GPC5: variants seen among roughly 807,000 people sequenced by gnomAD.
The protein encoded by GPC5 is glypican-5.
GPC5 carries 47 observed loss-of-function variants against 53.9 expected under a neutral mutation model. The observed-to-expected ratio is 0.87, with a 90% CI of 0.69 to 1.11. The LOEUF (loss-of-function observed/expected upper bound fraction) is 1.11. GPC5 is among the 50% of genes most tolerant of loss of function. The pLI, the probability that GPC5 is intolerant of heterozygous loss-of-function variation, is 0.00. For missense variants in GPC5, 748 were observed against 713.1 expected (o/e 1.05, Z -0.56); for synonymous variants, 286 against 263.3 (o/e 1.09, Z -0.84).
At chr13:92,037,597 G>C (rs1395454153) in intron 6 of GPC5, among the ~76,000 whole-genome samples, 1 of 152,174 alleles carries the variant, frequency 6.6e-6, no homozygotes, top group East Asian at 1.9e-4. Flanking sequence ...ATGGGATTTA[G>C]ATTCTTTACT....
At chr13:92,103,915 C>A (rs1051853751) in intron 6 of GPC5, among the ~76,000 whole-genome samples, 4 of 152,108 alleles carry the variant, frequency 2.6e-5, no homozygotes. Flanking sequence ...CTTTTCAAAG[C>A]CCCACATGGA....
chr13:92,147,684 G>C (rs958990975), intron 7 of GPC5, among the ~76,000 whole-genome samples: 1 of 152,002 alleles, frequency 6.6e-6, no homozygotes, highest in Non-Finnish European at 1.5e-5. Context: ...ATTTAAGAGA[G>C]ATGATTTTTC....
chr13:91,789,467 A>G (rs1202305427), intron 5 of GPC5, among the ~76,000 whole-genome samples: 1 of 152,206 alleles, frequency 6.6e-6, no homozygotes, highest in Non-Finnish European at 1.5e-5. Context: ...CAATTTTTCC[A>G]TATAATTGGA....
At chr13:92,341,976 A>G (rs1409787752) in intron 7 of GPC5, among the ~76,000 whole-genome samples, 1 of 152,126 alleles carries the variant, frequency 6.6e-6, no homozygotes, top group Non-Finnish European at 1.5e-5. Context: ...TAGGACATAC[A>G]AGCTCATAAT....
intron 7 of GPC5, among the ~76,000 whole-genome samples, chr13:92,378,493 T>C (rs180783632): frequency 9.2e-5 from 14 of 152,280 alleles, no homozygotes; most frequent in Admixed American, 7.2e-4. Flanking sequence ...AGGTTATAAA[T>C]TGGATATGTG....
At chr13:91,706,238 T>C (rs1431599244) in intron 3 of GPC5, among the ~76,000 whole-genome samples, 1 of 151,984 alleles carries the variant, frequency 6.6e-6, no homozygotes, top group Non-Finnish European at 1.5e-5. Context: ...TGGACCATAC[T>C]AAGATCTGTA....
chr13:91,771,847 A>G (rs1278201343), intron 5 of GPC5, among the ~76,000 whole-genome samples: 1 of 152,262 alleles, frequency 6.6e-6, no homozygotes, highest in African/African-American at 2.4e-5. Flanking sequence ...ATGCCAGTGC[A>G]TTTCAAATAA....
At chr13:91,668,353 C>T (rs1351005336) in intron 2 of GPC5, among the ~76,000 whole-genome samples, 1 of 152,210 alleles carries the variant, frequency 6.6e-6, no homozygotes, top group African/African-American at 2.4e-5. Flanking sequence ...GCTAGCAGCA[C>T]ATAGCATTGA....
At chr13:92,486,793 G>A (rs1008122978) in intron 7 of GPC5, among the ~76,000 whole-genome samples, 6 of 151,962 alleles carry the variant, frequency 3.9e-5, no homozygotes, top group African/African-American at 1.4e-4. Context: ...AGTCACATCA[G>A]CCACATTTCA....
At position 91,693,629 on chromosome 13, in the gene GPC5, A is replaced by G; in HGVS notation, c.768A>G (p.Gln256=). The change falls in exon 3 of 8, where the codon CAA becomes CAG. Residue 256 remains glutamine (Q), a synonymous_variant. Transcript: ENST00000377067. Reference sequence around the variant, plus strand: ...GCAGCAGAGCCCTCCTGAAGATGCAATACTGCCCGCACTGCCAAGGCCTGG... The same window carrying G: ...GCAGCAGAGCCCTCCTGAAGATGCAGTACTGCCCGCACTGCCAAGGCCTGG... ...KECSRALLKM[Q]YCPHCQGLAL... 6.2e-7 allele frequency: 1 copy of G among 1,614,130 alleles called. No homozygotes were observed. The highest frequency in any genetic ancestry group is 8.5e-7 in the Non-Finnish European group (1 of 1,180,018).
At chr13:92,443,341 G>A (rs996876371) in intron 7 of GPC5, among the ~76,000 whole-genome samples, 10 of 152,194 alleles carry the variant, frequency 6.6e-5, no homozygotes, top group African/African-American at 2.4e-4. Context: ...ATTTCAACAT[G>A]AGACTTGGAG....
At chr13:92,830,104 C>G (rs904654277) in intron 7 of GPC5, among the ~76,000 whole-genome samples, 2 of 152,114 alleles carry the variant, frequency 1.3e-5, no homozygotes, top group Non-Finnish European at 2.9e-5. Context: ...CTGTTTCTAA[C>G]TGAATATGCA....
intron 6 of GPC5, among the ~76,000 whole-genome samples, chr13:92,104,378 C>A (rs896091684): frequency 6.6e-6 from 1 of 152,136 alleles, no homozygotes; most frequent in Non-Finnish European, 1.5e-5. Context: ...AGTTCTAAAA[C>A]TTAATTTTGA....
intron 7 of GPC5, among the ~76,000 whole-genome samples, chr13:92,727,677 G>C (rs548607208): frequency 6.6e-6 from 1 of 151,232 alleles, no homozygotes; most frequent in African/African-American, 2.4e-5. Context: ...AGCTTCATTT[G>C]CTGGGCAGAG....
intron 7 of GPC5, among the ~76,000 whole-genome samples, chr13:92,616,259 T>C (rs1302403708): frequency 6.6e-6 from 1 of 152,236 alleles, no homozygotes; most frequent in Non-Finnish European, 1.5e-5. Context: ...GGCATTTTAA[T>C]ATAAAAATTT....
chr13:91,485,316 G>T (rs1290521476), intron 2 of GPC5, among the ~76,000 whole-genome samples: 3 of 151,620 alleles, frequency 2.0e-5, no homozygotes, highest in African/African-American at 7.3e-5. Context: ...AGGTTCAAGC[G>T]GTTCTCCTGC....
At chr13:91,707,285 A>C (rs993290354) in intron 3 of GPC5, among the ~76,000 whole-genome samples, 2 of 152,146 alleles carry the variant, frequency 1.3e-5, no homozygotes, top group African/African-American at 4.8e-5. Flanking sequence ...AACCACACTG[A>C]GACAGTGAGA....
At chr13:91,667,836 G>A (rs1157586875) in intron 2 of GPC5, among the ~76,000 whole-genome samples, 1 of 152,126 alleles carries the variant, frequency 6.6e-6, no homozygotes. Flanking sequence ...AGAATTCATT[G>A]CCATGATGCC....
chr13:92,746,761 A>T (rs1354419118), intron 7 of GPC5, among the ~76,000 whole-genome samples: 2 of 152,142 alleles, frequency 1.3e-5, no homozygotes, highest in Admixed American at 1.3e-4. Context: ...AACTTTATTG[A>T]TATCTCAAAC....
Sources: allele counts gnomAD v4.1 joint callset (sites outside exome capture counted in the v4.1 genomes callset), GRCh38; gene constraint gnomAD v4.1.1; transcripts MANE v1.5; gene names NCBI Gene and HGNC (gene_info 2026-07-23, HGNC 2026-07-21).